TNS3: variants seen among roughly 807,000 people sequenced by gnomAD.
TNS3 encodes tensin-3.
Under a neutral mutation model 140.9 loss-of-function variants are expected in TNS3, and 45 were observed. The ratio of observed to expected loss-of-function variants is 0.32; its 90% confidence interval spans 0.25 to 0.41. The LOEUF (loss-of-function observed/expected upper bound fraction) is 0.41. Ranked by LOEUF, TNS3 falls within the 10% of genes least tolerant of loss-of-function variation. The pLI, the probability that TNS3 is intolerant of heterozygous loss-of-function variation, is 1.00. For missense variants in TNS3, 1,716 were observed against 1,906.7 expected, an observed-to-expected ratio of 0.90 and a Z score of 1.86; for synonymous variants, 815 against 788.4, an observed-to-expected ratio of 1.03 and a Z score of -0.56.
At chr7:47,345,613 C>T (rs550330424) in intron 18 of TNS3, among the ~76,000 whole-genome samples, 1 of 151,210 alleles carries the variant, frequency 6.6e-6, no homozygotes, top group Non-Finnish European at 1.5e-5. Flanking sequence ...TTGGATACAC[C>T]GACCTGCTTT....
intron 28 of TNS3, among the ~76,000 whole-genome samples, chr7:47,281,215 C>T (rs919049935): frequency 6.6e-6 from 1 of 152,204 alleles, no homozygotes; most frequent in Admixed American, 6.5e-5. Context: ...ACTGATACGA[C>T]CCCCATAGAG....
intron 2 of TNS3, 29 bp from the exon 3 acceptor site, chr7:47,506,973 G>A: frequency 7.8e-7 from 1 of 1,282,698 alleles, no homozygotes; most frequent in Non-Finnish European, 1.0e-6. Context: ...GAAAGAATGT[G>A]TGTCAAGCAG....
chr7:47,297,631 G>A (rs976408484), intron 23 of TNS3, among the ~76,000 whole-genome samples: 1 of 152,092 alleles, frequency 6.6e-6, no homozygotes, highest in Non-Finnish European at 1.5e-5. Context: ...AACAAGACCA[G>A]ATCCAAATAT....
At chr7:47,394,464 G>A (rs1792710249) in intron 16 of TNS3, among the ~76,000 whole-genome samples, 1 of 152,204 alleles carries the variant, frequency 6.6e-6, no homozygotes, top group Non-Finnish European at 1.5e-5. Flanking sequence ...TCTCAAAGTA[G>A]GAGAAATACA....
Position 47,303,015 on chromosome 7 carries a change from C to T in TNS3, c.3392G>A (p.Ser1131Asn), listed in dbSNP as rs765231996. Reference protein sequence around the residue: ...FSSPHSGSTISIPFPNVLPDF... With the variant: ...FSSPHSGSTINIPFPNVLPDF... ...GGGAAGGACATTTGGGAAGGGGATACTGATGGTGCTCCCGCTGTGCGGGCT... is the reference window on the plus strand; with the variant it reads ...GGGAAGGACATTTGGGAAGGGGATATTGATGGTGCTCCCGCTGTGCGGGCT... Residue 1131 changes from serine (S) to asparagine (N), a missense_variant, in exon 22 of 31, where the codon AGT (serine) becomes AAT (asparagine). Ser to Asn is a conservative substitution (Grantham distance 46). Around this residue, in one of 3 missense-constraint regions of TNS3, gnomAD observed 1,163 missense variants for 1,182.1 expected, o/e 0.98. Coordinates refer to ENST00000311160, the MANE Select transcript of TNS3 (RefSeq NM_022748.12). The T allele has an allele frequency of 1.9e-6, 3 of 1,613,976 alleles. No homozygotes were observed. The highest frequency in any genetic ancestry group is 2.2e-5 in the South Asian group (2 of 91,064).
chr7:47,350,796 T>G (rs2470992), intron 17 of TNS3, among the ~76,000 whole-genome samples: 72,121 of 151,656 alleles, frequency 0.48, 18,469 homozygotes, highest in Non-Finnish European at 0.59. Context: ...TTGCAGGCAG[T>G]AAGTGTTATA....
At chr7:47,352,934 C>T (rs893652525) in intron 17 of TNS3, among the ~76,000 whole-genome samples, 6 of 152,220 alleles carry the variant, frequency 3.9e-5, no homozygotes, top group Non-Finnish European at 8.8e-5. Context: ...CATGTGGCTA[C>T]AGGTGGGGCA....
chr7:47,278,243 G>C (rs374259717), intron 30 of TNS3, 23 bp from the exon 31 acceptor site: 22 of 1,609,592 alleles, frequency 1.4e-5, no homozygotes, highest in Non-Finnish European at 1.6e-5. Context: ...AGTCCAGTCA[G>C]AGTGGTCAGT....
At chr7:47,332,644 TA>T (rs1204663366) in intron 20 of TNS3, among the ~76,000 whole-genome samples, 1 of 152,240 alleles carries the variant, frequency 6.6e-6, no homozygotes, top group African/African-American at 2.4e-5. Flanking sequence ...ATTTTGAATT[TA>T]AAAAATGAAA....
chr7:47,378,185 C>G (rs999724176), intron 16 of TNS3, among the ~76,000 whole-genome samples: 6 of 152,136 alleles, frequency 3.9e-5, no homozygotes, highest in Non-Finnish European at 8.8e-5. Context: ...CTGTGCTTTC[C>G]CCCTCTCTGG....
At chr7:47,581,305 G>C (rs925593774) in intron 1 of TNS3, 78 of 151,138 alleles carry the variant, frequency 5.2e-4, no homozygotes, top group African/African-American at 1.9e-3. Flanking sequence ...CTGGCCCCCA[G>C]CCTGGGACAG....
At chr7:47,387,028 T>C (rs1792115554) in intron 16 of TNS3, among the ~76,000 whole-genome samples, 1 of 152,234 alleles carries the variant, frequency 6.6e-6, no homozygotes, top group African/African-American at 2.4e-5. Flanking sequence ...CCCTCTGTCC[T>C]TGGACTTACA....
rs1301476302 is a variant in TNS3, at chr7:47,407,025, GGGA to G, written c.723+4699_723+4701del. Among the ~76,000 whole-genome samples the G allele has an allele frequency of 6.6e-6, 1 of 152,118 alleles. No individual in the cohort carries two copies. The highest frequency in any genetic ancestry group is 1.5e-5 in the Non-Finnish European group (1 of 68,012). On this transcript the variant is annotated intron_variant, in intron 13 of 30. Transcript: ENST00000311160. The surrounding 1 kb of genome is among the most constrained non-coding windows in gnomAD (Gnocchi z 4.1). ...CAGAACACCCAGAAGAAGCATGAAC[GGGA>G]GGAGGGGATGGCTCCCGCTCCTCTC... is the stretch of plus-strand genomic sequence containing the variant.
chr7:47,397,304 G>A (rs1792891792), intron 15 of TNS3, among the ~76,000 whole-genome samples: 1 of 152,102 alleles, frequency 6.6e-6, no homozygotes. Flanking sequence ...AGTCTTTTTA[G>A]GAATACCAAG....
chr7:47,486,305 G>A (rs2964959), intron 3 of TNS3, among the ~76,000 whole-genome samples: 83,587 of 151,546 alleles, frequency 0.55, 25,649 homozygotes, highest in Non-Finnish European at 0.66. Flanking sequence ...AGTTTTGTAA[G>A]TGTGTCTGTG....
intron 17 of TNS3, among the ~76,000 whole-genome samples, chr7:47,354,036 T>C (rs1023022010): frequency 1.8e-4 from 23 of 127,766 alleles, no homozygotes; most frequent in African/African-American, 6.6e-4. Context: ...CACACACAAA[T>C]TCCAAGGTAC....
intron 1 of TNS3, among the ~76,000 whole-genome samples, chr7:47,547,132 G>A (rs1489326994): frequency 2.6e-5 from 4 of 152,216 alleles, no homozygotes; most frequent in Non-Finnish European, 5.9e-5. Flanking sequence ...ATAAAGCCAA[G>A]GAGGCAGTGG....
Position 47,291,971 on chromosome 7 carries a change from C to T in TNS3, c.3912G>A (p.Leu1304=), listed in dbSNP as rs1440083589. ...PQTAANSAAE[L]LKQGAACNVW... is the part of the protein sequence containing the mutation. The stretch of plus-strand genomic sequence containing the variant: ...TTTACTGACCTGCCCCCTGCTTCAA[C>T]AGCTCAGCTGCTGAATTGGCTGCCG... The change falls in exon 27 of 31, where the codon CTG becomes CTA. Residue 1304 remains leucine, a synonymous_variant. Transcript: ENST00000311160. The T allele has an allele frequency of 3.1e-6, 5 of 1,614,062 alleles. No homozygotes were observed. The Middle Eastern group carries it at 4.9e-4, about 159-fold the overall frequency.
At chr7:47,379,281 A>T (rs542718255) in intron 16 of TNS3, among the ~76,000 whole-genome samples, 11 of 152,368 alleles carry the variant, frequency 7.2e-5, no homozygotes, top group Middle Eastern at 6.8e-3. Context: ...GCGTTGTATT[A>T]TCTTACCCAT....
Sources: gnomAD v4.1 joint callset for allele counts (sites outside exome capture counted in the v4.1 genomes callset) on GRCh38, gnomAD v4.1.1 for gene constraint, gnomAD v4.1.1 regional missense constraint, Gnocchi (gnomAD v3.1) non-coding constraint, MANE v1.5 for transcripts, NCBI Gene and HGNC (gene_info 2026-07-23, HGNC 2026-07-21) for gene names.